ISCA1: variants seen among roughly 807,000 people sequenced by gnomAD.
ISCA1 encodes iron-sulfur cluster assembly 1 homolog, mitochondrial.
Under a neutral mutation model 14.7 loss-of-function variants are expected in ISCA1, and 9 were observed. The observed-to-expected ratio is 0.61, with a 90% CI of 0.37 to 1.07. The LOEUF (loss-of-function observed/expected upper bound fraction) is 1.07. ISCA1 is among the 50% of genes least tolerant of loss of function. The pLI, the probability that ISCA1 is intolerant of heterozygous loss-of-function variation, is 0.01. For synonymous variants in ISCA1, 38 were observed against 54.3 expected (o/e 0.70, Z 1.32); for missense variants, 102 against 150.1 (o/e 0.68, Z 1.67).
chr9:86,282,316 C>T, intron 1 of ISCA1, 62 bp downstream of exon 1: 2 of 1,503,604 alleles, frequency 1.3e-6, no homozygotes, highest in South Asian at 2.5e-5. Flanking sequence ...GCCGTGACCT[C>T]CCCTTGCACG....
intron 3 of ISCA1, among the ~76,000 whole-genome samples, chr9:86,268,233 A>G (rs1435934302): frequency 2.6e-5 from 4 of 152,044 alleles, no homozygotes; most frequent in African/African-American, 7.2e-5. Context: ...CGGCCTTCCA[A>G]TGGGATGAGG....
At chr9:86,266,266 C>T in intron 3 of ISCA1, 75 bp from the exon 4 acceptor site, 1 of 1,513,782 alleles carries the variant, frequency 6.6e-7, no homozygotes, top group East Asian at 2.3e-5. Flanking sequence ...CACAAGTGAA[C>T]TTGAAATAGT....
At chr9:86,267,864 T>C (rs775703040) in intron 3 of ISCA1, 1 of 147,796 alleles carries the variant, frequency 6.8e-6, no homozygotes, top group South Asian at 2.0e-4. Flanking sequence ...AGGATTATAA[T>C]GGAGCTGAAA....
At chr9:86,280,602 A>G (rs1329964655) in intron 1 of ISCA1, among the ~76,000 whole-genome samples, 2 of 151,162 alleles carry the variant, frequency 1.3e-5, no homozygotes, top group Non-Finnish European at 3.0e-5. Flanking sequence ...CTCAAAAAAA[A>G]AAAAAAAAAA....
intron 1 of ISCA1, among the ~76,000 whole-genome samples, chr9:86,277,883 A>T (rs951711906): frequency 6.6e-6 from 1 of 152,212 alleles, no homozygotes; most frequent in Non-Finnish European, 1.5e-5. Context: ...ATTGAAAAAT[A>T]AATATATTTC....
chr9:86,278,262 T>C (rs896879156), intron 1 of ISCA1, among the ~76,000 whole-genome samples: 3 of 152,336 alleles, frequency 2.0e-5, no homozygotes, highest in East Asian at 3.9e-4. Context: ...TTAACAGCCA[T>C]GGCTGGCATT....
At chr9:86,266,285 A>G (rs1825292447) in intron 3 of ISCA1, 94 bp from the exon 4 acceptor site, 1 of 1,484,032 alleles carries the variant, frequency 6.7e-7, no homozygotes, top group South Asian at 1.4e-5. Context: ...GTGACTATCA[A>G]TGAAAGTCAA....
chr9:86,267,325 CTTT>C (rs763968533), intron 3 of ISCA1: 28 of 826,378 alleles, frequency 3.4e-5, no homozygotes, highest in Non-Finnish European at 3.6e-5. Flanking sequence ...GTCACCTCTT[CTTT>C]AAGATGAAAA....
intron 2 of ISCA1, among the ~76,000 whole-genome samples, chr9:86,272,541 A>G (rs991372725): frequency 6.6e-6 from 1 of 152,214 alleles, no homozygotes; most frequent in African/African-American, 2.4e-5. Context: ...AATACAGACA[A>G]AAGAAGTTTA....
intron 3 of ISCA1, among the ~76,000 whole-genome samples, chr9:86,266,458 C>T (rs759845649): frequency 2.0e-5 from 3 of 151,982 alleles, no homozygotes; most frequent in Non-Finnish European, 2.9e-5. Context: ...TAGAATTTAC[C>T]TTTCACTATA....
intron 1 of ISCA1, among the ~76,000 whole-genome samples, chr9:86,274,525 C>T (rs1256898042): frequency 6.6e-6 from 1 of 152,174 alleles, no homozygotes; most frequent in East Asian, 1.9e-4. Context: ...ACTCACATTA[C>T]AAATGCTATT....
intron 1 of ISCA1, among the ~76,000 whole-genome samples, chr9:86,277,264 C>T (rs796656764): frequency 1.1e-4 from 16 of 152,262 alleles, no homozygotes; most frequent in African/African-American, 3.9e-4. Context: ...CAACAGGAAC[C>T]TGTGTGCCTG....
chr9:86,271,087 TATAATAATA>T (rs146653377), intron 3 of ISCA1, among the ~76,000 whole-genome samples: 4,709 of 151,084 alleles, frequency 0.031, 199 homozygotes, highest in African/African-American at 0.093. Flanking sequence ...AAACTTAAAG[TATAATAATA>T]ATAATAATAA....
chr9:86,282,225 A>G, intron 1 of ISCA1, 153 bp downstream of exon 1: 1 of 765,758 alleles, frequency 1.3e-6, no homozygotes, highest in Non-Finnish European at 2.0e-6. Flanking sequence ...CCGGAGGCGA[A>G]GGAGGCGGCG....
intron 3 of ISCA1, among the ~76,000 whole-genome samples, chr9:86,271,212 A>C (rs1034030312): frequency 8.5e-5 from 13 of 152,266 alleles, no homozygotes; most frequent in Non-Finnish European, 1.6e-4. Flanking sequence ...CGTGCAGTAC[A>C]GGTTTGTAGC....
At chr9:86,282,254 G>C in intron 1 of ISCA1, 124 bp downstream of exon 1, 1 of 1,084,806 alleles carries the variant, frequency 9.2e-7, no homozygotes, top group Non-Finnish European at 1.3e-6. Context: ...CGGCGGGTCG[G>C]AGCGACGCCG....
chr9:86,275,343 T>A (rs537610670), intron 1 of ISCA1, among the ~76,000 whole-genome samples: 1 of 152,062 alleles, frequency 6.6e-6, no homozygotes, highest in Non-Finnish European at 1.5e-5. Context: ...AGTAAAGTCT[T>A]TGAGACTGCT....
chr9:86,274,687 T>G (rs1248851540), intron 1 of ISCA1, among the ~76,000 whole-genome samples: 1 of 152,164 alleles, frequency 6.6e-6, no homozygotes, highest in African/African-American at 2.4e-5. Context: ...ACTGCTTTTT[T>G]TTTTCTTACT....
chr9:86,271,936 A>T, intron 3 of ISCA1, 71 bp downstream of exon 3: 1 of 795,840 alleles, frequency 1.3e-6, no homozygotes, highest in Admixed American at 2.2e-5. Flanking sequence ...CTTATTTTTT[A>T]CTTTGTGCTG....
Sources: gnomAD v4.1 joint callset for allele counts (sites outside exome capture counted in the v4.1 genomes callset) on GRCh38, gnomAD v4.1.1 for gene constraint, MANE v1.5 for transcripts, NCBI Gene and HGNC (gene_info 2026-07-23, HGNC 2026-07-21) for gene names.